QKI: variants seen among roughly 807,000 people sequenced by gnomAD.
QKI encodes the protein KH domain-containing RNA-binding protein QKI.
In QKI, 10 loss-of-function variants were observed where a neutral mutation model predicts 39.0. That is an observed-to-expected ratio of 0.26 (90% CI 0.16 to 0.43). The LOEUF is 0.43. Ranked by LOEUF, QKI falls within the 20% of genes least tolerant of loss-of-function variation. QKI has a pLI of 1.00. For synonymous variants in QKI, 204 were observed against 155.4 expected (o/e 1.31, Z -2.33); for missense variants, 218 against 428.0 (o/e 0.51, Z 4.33).
At chr6:163,468,151 G>A (rs185173722) in intron 2 of QKI, among the ~76,000 whole-genome samples, 58 of 151,736 alleles carry the variant, frequency 3.8e-4, no homozygotes, top group African/African-American at 1.1e-3. Context: ...ATACATATAC[G>A]CTTCTGTGAA....
chr6:163,517,094 T>TCTCTCTCTCTCTCTCTCTCTCTAG (rs796976137), intron 3 of QKI, among the ~76,000 whole-genome samples: 9 of 149,428 alleles, frequency 6.0e-5, no homozygotes, highest in African/African-American at 2.3e-4. Context: ...TCTCTCTCTC[T>TCTCTCTCTCTCTCTCTCTCTCTAG]CTCTCTCTAG....
intron 3 of QKI, among the ~76,000 whole-genome samples, chr6:163,512,867 T>G (rs931816062): frequency 6.6e-6 from 1 of 152,088 alleles, no homozygotes; most frequent in African/African-American, 2.4e-5. Context: ...TGTTTTAACT[T>G]AAGCATCTGG....
chr6:163,465,931 C>G lies in QKI; in HGVS notation c.285+10510C>G, dbSNP rs538477478. 2.6e-5 allele frequency among the ~76,000 whole-genome samples: 4 copies of G among 152,010 alleles called. No homozygotes were observed. In the South Asian group the frequency reaches 8.3e-4, roughly 32 times the overall value. On this transcript the variant is annotated intron_variant, in intron 2 of 7. Transcript: ENST00000361752. ...CTGAGGTCAGGAGTTTGAGACCAGCCTGGCCAACATGGTGAAACCCTGTCT... is the reference window on the plus strand; with the variant it reads ...CTGAGGTCAGGAGTTTGAGACCAGCGTGGCCAACATGGTGAAACCCTGTCT...
intron 1 of QKI, among the ~76,000 whole-genome samples, chr6:163,438,363 T>C (rs996448763): frequency 8.5e-5 from 13 of 152,296 alleles, no homozygotes; most frequent in African/African-American, 2.9e-4. Context: ...GAGAAAGATA[T>C]ATATACACAT....
At chr6:163,565,558 CT>C in intron 6 of QKI, 5 of 988,744 alleles carry the variant, frequency 5.1e-6, no homozygotes, top group Non-Finnish European at 6.0e-6. Context: ...AAAATTTTTA[CT>C]TATAGAAACT....
chr6:163,480,570 T>C (rs143779265), intron 3 of QKI, among the ~76,000 whole-genome samples: 24 of 152,310 alleles, frequency 1.6e-4, no homozygotes, highest in African/African-American at 5.8e-4. Flanking sequence ...AAAATCTTAT[T>C]ATAATGTATT....
intron 3 of QKI, among the ~76,000 whole-genome samples, chr6:163,482,084 C>G (rs1191095288): frequency 6.6e-6 from 1 of 151,922 alleles, no homozygotes; most frequent in Non-Finnish European, 1.5e-5. Context: ...GCTAGGTAGG[C>G]TGAGGAGGGA....
At chr6:163,483,627 T>G (rs868850378) in intron 3 of QKI, among the ~76,000 whole-genome samples, 1 of 152,190 alleles carries the variant, frequency 6.6e-6, no homozygotes. Context: ...AGCAATTCAG[T>G]CACATCTTCA....
At chr6:163,522,418 A>T (rs1780219604) in intron 3 of QKI, among the ~76,000 whole-genome samples, 1 of 152,196 alleles carries the variant, frequency 6.6e-6, no homozygotes. Context: ...GCACTGAAAT[A>T]AGACTGGCAT....
At chr6:163,524,681 G>A (rs1010973093) in intron 3 of QKI, among the ~76,000 whole-genome samples, 1 of 151,906 alleles carries the variant, frequency 6.6e-6, no homozygotes, top group Non-Finnish European at 1.5e-5. Flanking sequence ...TGGTCAGGCT[G>A]GTCTTGAACT....
chr6:163,517,104 GCT>G (rs1779877056), intron 3 of QKI, among the ~76,000 whole-genome samples: 1 of 119,450 alleles, frequency 8.4e-6, no homozygotes, highest in African/African-American at 3.4e-5. Context: ...TCTCTCTCTA[GCT>G]CTCTCTAGCT....
intron 4 of QKI, among the ~76,000 whole-genome samples, chr6:163,535,557 A>C (rs980661441): frequency 3.3e-5 from 5 of 151,976 alleles, no homozygotes; most frequent in Non-Finnish European, 7.4e-5. Context: ...ATGAAAAATA[A>C]ATTACTGGTT....
Position 163,571,111 on chromosome 6 carries a change from T to C in QKI, c.*401T>C. 1 of 160,020 alleles carries C rather than the reference T, an allele frequency of 6.2e-6. No individual in the cohort carries two copies. The highest frequency in any genetic ancestry group is 1.4e-5 in the Non-Finnish European group (1 of 73,416). The allele number at this position is 160,020 out of a possible 1,614,324, so 9.9% of individuals were successfully genotyped here. On this transcript the variant is annotated 3_prime_UTR_variant, in exon 8 of 8. Transcript: ENST00000361752. The stretch of plus-strand genomic sequence containing the variant: ...TTACTGTGAGAGACTTCTAGGAATC[T>C]TTTTCTTCTCATAGCGAAGTCAAAG...
At chr6:163,560,518 A>G (rs1782928329) in intron 4 of QKI, among the ~76,000 whole-genome samples, 1 of 152,004 alleles carries the variant, frequency 6.6e-6, no homozygotes, top group Non-Finnish European at 1.5e-5. Flanking sequence ...GGATTTGGAA[A>G]GAGAGAGGGG....
intron 1 of QKI, among the ~76,000 whole-genome samples, chr6:163,420,176 G>T (rs1205029387): frequency 1.1e-3 from 133 of 119,296 alleles, no homozygotes; most frequent in East Asian, 1.7e-3. Flanking sequence ...TTTTTTTGGT[G>T]GTTTTTTTCT....
At chr6:163,484,447 C>T (rs1793319008) in intron 3 of QKI, among the ~76,000 whole-genome samples, 1 of 152,120 alleles carries the variant, frequency 6.6e-6, no homozygotes, top group African/African-American at 2.4e-5. Flanking sequence ...GTGATCTGCC[C>T]ACCTTGGCCT....
intron 2 of QKI, among the ~76,000 whole-genome samples, chr6:163,474,786 T>G (rs1312150039): frequency 3.8e-5 from 2 of 52,584 alleles, no homozygotes; most frequent in African/African-American, 9.4e-5. Flanking sequence ...TACAAAAAAG[T>G]TAAAAAAAAA....
intron 3 of QKI, among the ~76,000 whole-genome samples, chr6:163,520,000 A>G (rs1356954275): frequency 2.0e-5 from 3 of 152,142 alleles, no homozygotes; most frequent in Non-Finnish European, 4.4e-5. Flanking sequence ...CAAGTAACGT[A>G]CCCTTTGAAA....
intron 4 of QKI, among the ~76,000 whole-genome samples, chr6:163,556,503 C>CAAAAAAAAAAAA (rs61233361): frequency 4.8e-5 from 4 of 83,062 alleles, no homozygotes; most frequent in Non-Finnish European, 7.6e-5. Flanking sequence ...AATTCCACCT[C>CAAAAAAAAAAAA]AAAAAAAAAA....
Sources: allele counts gnomAD v4.1 joint callset (sites outside exome capture counted in the v4.1 genomes callset), GRCh38; gene constraint gnomAD v4.1.1; transcripts MANE v1.5; gene names NCBI Gene and HGNC (gene_info 2026-07-23, HGNC 2026-07-21).